The following SND1 variants were observed in gnomAD, a reference collection of about 807,000 sequenced individuals.
The protein encoded by SND1 is staphylococcal nuclease domain-containing protein 1.
In SND1, 38 loss-of-function variants were observed where a neutral mutation model predicts 121.7. That is an observed-to-expected ratio of 0.31 (90% CI 0.24 to 0.41). SND1 has a LOEUF of 0.41. SND1 is among the 10% of genes least tolerant of loss of function. The pLI, the probability that SND1 is intolerant of heterozygous loss-of-function variation, is 1.00. For synonymous variants in SND1, 401 were observed against 447.4 expected, an observed-to-expected ratio of 0.90 and a Z score of 1.31; for missense variants, 868 against 1,184.6, an observed-to-expected ratio of 0.73 and a Z score of 3.92.
intron 16 of SND1, among the ~76,000 whole-genome samples, chr7:128,011,208 T>C (rs1803110818): frequency 6.6e-6 from 1 of 151,220 alleles, no homozygotes; most frequent in African/African-American, 2.4e-5. Context: ...AGAGACAGTG[T>C]GTACAGAAGC....
intron 1 of SND1, among the ~76,000 whole-genome samples, chr7:127,664,979 C>T (rs1009078848): frequency 2.0e-5 from 3 of 152,144 alleles, no homozygotes; most frequent in African/African-American, 7.2e-5. Context: ...CAATATCTGG[C>T]ACGGAGAACA....
At position 127,992,319 on chromosome 7, in the gene SND1, C is replaced by A. The variant is rs114187668; in HGVS notation, c.1779+1263C>A. On this transcript the variant is annotated intron_variant, in intron 16 of 23. Transcript: ENST00000354725. ...CTGAATTTTTATCAATTAAAAATAACCCCGTGCAAGAGAAGTATTTCAAAA... is the reference window on the plus strand; with the variant it reads ...CTGAATTTTTATCAATTAAAAATAAACCCGTGCAAGAGAAGTATTTCAAAA... Among the ~76,000 whole-genome samples the A allele has an allele frequency of 5.1e-3, 773 of 152,280 alleles. 5 individuals carry two copies. The highest frequency in any genetic ancestry group is 0.018 in the African/African-American group (745 of 41,548).
chr7:127,691,196 T>C lies in SND1; in HGVS notation c.229-3632T>C, dbSNP rs532974825. Among the ~76,000 whole-genome samples, 17 of 149,484 alleles carry C rather than the reference T, an allele frequency of 1.1e-4. No homozygotes were observed. In the East Asian group the frequency reaches 1.7e-3, roughly 15 times the overall value. On this transcript the variant is annotated intron_variant, in intron 2 of 23. Transcript: ENST00000354725. The stretch of plus-strand genomic sequence containing the variant: ...ATTCATTTAACTAAACACCACCCAT[T>C]CCCCAAAACCTATTGAAATAAAAAA...
chr7:127,880,465 T>A (rs2116716279), intron 12 of SND1, among the ~76,000 whole-genome samples: 1 of 152,256 alleles, frequency 6.6e-6, no homozygotes, highest in Non-Finnish European at 1.5e-5. Flanking sequence ...ATATTTCATT[T>A]CTTTCCTTTG....
intron 15 of SND1, among the ~76,000 whole-genome samples, chr7:127,962,565 G>A (rs1025467899): frequency 6.6e-6 from 1 of 152,176 alleles, no homozygotes; most frequent in African/African-American, 2.4e-5. Context: ...CTTTAGGAAT[G>A]CCCATGTTTC....
intron 6 of SND1, 98 bp from the exon 7 acceptor site, chr7:127,703,067 T>C: frequency 7.5e-7 from 1 of 1,337,124 alleles, no homozygotes. Context: ...GAGTTTAGCT[T>C]CGTGGCATGT....
chr7:127,733,545 T>A (rs547524331), intron 10 of SND1, among the ~76,000 whole-genome samples: 261 of 152,318 alleles, frequency 1.7e-3, no homozygotes, highest in African/African-American at 6.0e-3. Context: ...TATATGGTTC[T>A]AAGGTATCCC....
chr7:127,858,215 T>C, intron 12 of SND1: 6 of 783,134 alleles, frequency 7.7e-6, no homozygotes, highest in Non-Finnish European at 1.4e-5. Flanking sequence ...TTCCCTCGTT[T>C]CCTGGTACAT....
chr7:127,704,344 T>C (rs1796153841), intron 7 of SND1, among the ~76,000 whole-genome samples: 1 of 152,224 alleles, frequency 6.6e-6, no homozygotes, highest in Admixed American at 6.5e-5. Flanking sequence ...TGTCTGGCTG[T>C]GCCCTGCCAG....
rs59243807 is a variant in SND1 at position 127,766,771 on chromosome 7, C to CAAAAAAAAAAAAAA, written c.1153-40696_1153-40683dup. Among the ~76,000 whole-genome samples, 39 of 33,214 alleles carry CAAAAAAAAAAAAAA rather than the reference C, an allele frequency of 1.2e-3. 1 individual carries two copies. Among genetic ancestry groups the CAAAAAAAAAAAAAA allele is most frequent in the Non-Finnish European group, 1.4e-3 (25 of 17,318 alleles). 21.8% of individuals were successfully genotyped at this position (33,214 alleles called of 152,430 possible). ...TGGGTGACAAAGCGAGACTTTGTCTCAAAAAAAAAAAAAAAAAAAAAAAAA... is the reference window on the plus strand; with the variant it reads ...TGGGTGACAAAGCGAGACTTTGTCTCAAAAAAAAAAAAAAAAAAAAAAAAAAAAAAAAAAAAAAA... On this transcript the variant is annotated intron_variant, in intron 10 of 23. Coordinates refer to ENST00000354725, the MANE Select transcript of SND1 (RefSeq NM_014390.4).
At chr7:128,002,136 T>G (rs1281015658) in intron 16 of SND1, among the ~76,000 whole-genome samples, 1 of 152,188 alleles carries the variant, frequency 6.6e-6, no homozygotes, top group East Asian at 1.9e-4. Flanking sequence ...ATGGCACATA[T>G]GCATATGCTA....
At chr7:127,840,209 G>C (rs1798938398) in intron 11 of SND1, among the ~76,000 whole-genome samples, 1 of 152,186 alleles carries the variant, frequency 6.6e-6, no homozygotes, top group Non-Finnish European at 1.5e-5. Flanking sequence ...TAAGAAAACA[G>C]TATATAGTAC....
chr7:127,778,458 A>G (rs1022185125), intron 10 of SND1, among the ~76,000 whole-genome samples: 2 of 152,086 alleles, frequency 1.3e-5, no homozygotes, highest in Non-Finnish European at 2.9e-5. Flanking sequence ...TGGCCTCCCA[A>G]AGTGCTGGGA....
At chr7:127,660,651 A>G (rs1182805080) in intron 1 of SND1, among the ~76,000 whole-genome samples, 1 of 152,208 alleles carries the variant, frequency 6.6e-6, no homozygotes, top group Non-Finnish European at 1.5e-5. Context: ...TTCTTTGAGC[A>G]TTATGTTAGT....
intron 15 of SND1, among the ~76,000 whole-genome samples, chr7:127,952,043 C>T (rs1801474252): frequency 6.6e-6 from 1 of 152,142 alleles, no homozygotes; most frequent in South Asian, 2.1e-4. Context: ...CTGTAGTTCC[C>T]CACCCTTACT....
chr7:127,861,810 C>T (rs2116683654), intron 12 of SND1, among the ~76,000 whole-genome samples: 1 of 152,258 alleles, frequency 6.6e-6, no homozygotes, highest in Non-Finnish European at 1.5e-5. Flanking sequence ...CATGCTATAA[C>T]CTAAAACAGT....
intron 10 of SND1, among the ~76,000 whole-genome samples, chr7:127,758,788 T>G (rs1367225025): frequency 6.6e-6 from 1 of 152,114 alleles, no homozygotes; most frequent in Non-Finnish European, 1.5e-5. Flanking sequence ...GCACGGTGGC[T>G]CATGCCTGTG....
chr7:127,840,087 A>C (rs570072053), intron 11 of SND1, among the ~76,000 whole-genome samples: 1 of 152,246 alleles, frequency 6.6e-6, no homozygotes, highest in Non-Finnish European at 1.5e-5. Context: ...CCTGCCTTAC[A>C]GGCCCATGCC....
chr7:127,916,919 G>A (rs1268991518), intron 14 of SND1, among the ~76,000 whole-genome samples: 1 of 152,162 alleles, frequency 6.6e-6, no homozygotes, highest in Non-Finnish European at 1.5e-5. Context: ...GTAACAATAG[G>A]AAATGCATAC....
Sources: gnomAD v4.1 joint callset for allele counts (sites outside exome capture counted in the v4.1 genomes callset) on GRCh38, gnomAD v4.1.1 for gene constraint, MANE v1.5 for transcripts, NCBI Gene and HGNC (gene_info 2026-07-23, HGNC 2026-07-21) for gene names.